Variants in SDK1 observed in about 807,000 individuals in gnomAD.
SDK1 encodes protein sidekick-1.
SDK1 carries 157 observed loss-of-function variants against 245.5 expected under a neutral mutation model. The observed-to-expected ratio is 0.64, with a 90% CI of 0.56 to 0.73. The LOEUF is 0.73. SDK1 is among the 30% of genes least tolerant of loss of function. SDK1 has a pLI of 0.00. For missense variants in SDK1, 3,583 were observed against 3,002.3 expected (o/e 1.19, Z -4.52); for synonymous variants, 1,647 against 1,278.5 (o/e 1.29, Z -6.15).
At chr7:3,650,961 T>C (rs899022314) in intron 4 of SDK1, among the ~76,000 whole-genome samples, 4 of 152,066 alleles carry the variant, frequency 2.6e-5, no homozygotes, top group Non-Finnish European at 4.4e-5. Flanking sequence ...CATTCACCTG[T>C]TGAAAGCAAT....
chr7:4,193,140 T>G (rs1390481031), intron 35 of SDK1, among the ~76,000 whole-genome samples: 1 of 131,122 alleles, frequency 7.6e-6, no homozygotes, highest in Non-Finnish European at 1.5e-5. Context: ...ATAAATATAT[T>G]AATATATTTA....
chr7:4,267,932 G>A lies in SDK1; in HGVS notation c.*2548G>A. 1 of 985,544 alleles carries A rather than the reference G, an allele frequency of 1.0e-6. No individual in the cohort carries two copies. The highest frequency in any genetic ancestry group is 4.7e-5 in the South Asian group (1 of 21,286). 61.0% of individuals were successfully genotyped at this position (985,544 alleles called of 1,614,324 possible). A position where few individuals can be genotyped will look rare whatever the true frequency, so the allele number is the denominator to read the frequency against. ...GAACAGAGCTGGATGTTTCCAGGTA[G>A]ATTTTGGCCTCCCAGAGCAATGCGG... On this transcript the variant is annotated 3_prime_UTR_variant, in exon 45 of 45. Coordinates refer to ENST00000404826, the MANE Select transcript of SDK1 (RefSeq NM_152744.4).
chr7:3,830,849 G>A (rs916181452), intron 5 of SDK1, among the ~76,000 whole-genome samples: 4 of 152,142 alleles, frequency 2.6e-5, no homozygotes, highest in African/African-American at 9.7e-5. Flanking sequence ...TTAGCCAGCA[G>A]CGAATGCCTG....
At position 4,265,602 on chromosome 7, in the gene SDK1, C is replaced by G. The variant is rs916987333; in HGVS notation, c.*218C>G. ...TTCGCTGCAGGAAGCAGGTTTGTTT[C>G]TTTTTCTTTTCTTTTTAAGAGAAGG... On this transcript the variant is annotated 3_prime_UTR_variant, in exon 45 of 45. Transcript: ENST00000404826. 7 of 1,338,302 alleles carry G rather than the reference C, an allele frequency of 5.2e-6. No individual in the cohort carries two copies. The South Asian group carries it at 1.3e-4, about 25-fold the overall frequency. The allele number at this position is 1,338,302 out of a possible 1,614,324, so 82.9% of individuals were successfully genotyped here.
intron 20 of SDK1, among the ~76,000 whole-genome samples, chr7:4,074,592 G>A (rs1780500248): frequency 5.3e-5 from 8 of 152,008 alleles, no homozygotes; most frequent in Admixed American, 5.2e-4. Flanking sequence ...TGGGCGTGGT[G>A]GCTGACGGCT....
At chr7:4,071,686 A>G (rs1780266115) in intron 20 of SDK1, among the ~76,000 whole-genome samples, 1 of 152,228 alleles carries the variant, frequency 6.6e-6, no homozygotes, top group Admixed American at 6.5e-5. Flanking sequence ...GCAGGAGGCT[A>G]CCATTCGGAA....
intron 36 of SDK1, 30 bp from the exon 37 acceptor site, chr7:4,208,069 C>G (rs1251324433): frequency 6.4e-7 from 1 of 1,570,712 alleles, no homozygotes; most frequent in South Asian, 1.2e-5. Flanking sequence ...TTCCCCAGGA[C>G]CCACCCCAAC....
At chr7:3,362,909 T>C (rs985501838) in intron 1 of SDK1, among the ~76,000 whole-genome samples, 5 of 152,198 alleles carry the variant, frequency 3.3e-5, no homozygotes, top group African/African-American at 9.7e-5. Context: ...CTTAAAAATA[T>C]CCACTTAATT....
intron 1 of SDK1, among the ~76,000 whole-genome samples, chr7:3,321,205 T>C (rs1779794076): frequency 6.6e-6 from 1 of 152,222 alleles, no homozygotes; most frequent in Non-Finnish European, 1.5e-5. Context: ...AAGATGATAC[T>C]ATAGAATTTC....
chr7:4,048,557 T>C (rs6943539), intron 17 of SDK1, among the ~76,000 whole-genome samples: 35,737 of 150,896 alleles, frequency 0.24, 5,895 homozygotes, highest in African/African-American at 0.48. Context: ...CCTTTTCCCA[T>C]GGCTCTCCCA....
At chr7:3,645,258 G>C (rs1224810831) in intron 4 of SDK1, among the ~76,000 whole-genome samples, 1 of 152,184 alleles carries the variant, frequency 6.6e-6, no homozygotes, top group African/African-American at 2.4e-5. Flanking sequence ...CAAATGGTCT[G>C]CTTACAAGCA....
intron 1 of SDK1, among the ~76,000 whole-genome samples, chr7:3,601,556 T>C (rs1781254825): frequency 6.6e-6 from 1 of 152,056 alleles, no homozygotes; most frequent in South Asian, 2.1e-4. Flanking sequence ...TCTGCAGTGA[T>C]ACCATTGTTG....
intron 1 of SDK1, among the ~76,000 whole-genome samples, chr7:3,473,779 T>A (rs1363677978): frequency 6.6e-6 from 1 of 152,176 alleles, no homozygotes; most frequent in Non-Finnish European, 1.5e-5. Flanking sequence ...ATATGTGTAA[T>A]AATGTTCAGG....
intron 1 of SDK1, among the ~76,000 whole-genome samples, chr7:3,326,562 C>A (rs931324448): frequency 2.0e-5 from 3 of 152,114 alleles, no homozygotes; most frequent in African/African-American, 7.2e-5. Flanking sequence ...TGTCTTGTTT[C>A]CCGCCACAGA....
chr7:3,982,747 G>T (rs1428638368), intron 13 of SDK1, among the ~76,000 whole-genome samples: 1 of 152,102 alleles, frequency 6.6e-6, no homozygotes, highest in East Asian at 1.9e-4. Flanking sequence ...GGCTGAGTCA[G>T]GAGAAGGGCA....
chr7:3,497,247 C>T (rs998515249), intron 1 of SDK1, among the ~76,000 whole-genome samples: 8 of 152,094 alleles, frequency 5.3e-5, no homozygotes. Context: ...ATTGGTTTGC[C>T]CCTAAGGTAG....
intron 17 of SDK1, among the ~76,000 whole-genome samples, chr7:4,037,897 A>T (rs1166145553): frequency 2.6e-5 from 4 of 152,192 alleles, no homozygotes; most frequent in African/African-American, 9.7e-5. Flanking sequence ...TCCAAAACTT[A>T]TAATTTTTTT....
At chr7:3,624,162 T>C (rs550219883) in intron 2 of SDK1, among the ~76,000 whole-genome samples, 1 of 152,340 alleles carries the variant, frequency 6.6e-6, no homozygotes, top group South Asian at 2.1e-4. Context: ...AATTTTAGCC[T>C]AACATCAGTA....
Position 3,967,347 on chromosome 7 carries a change from G to A in SDK1, c.1459G>A (p.Val487Met). The A allele has an allele frequency of 6.2e-7, 1 of 1,614,164 alleles. No individual in the cohort carries two copies. The highest frequency in any genetic ancestry group is 8.5e-7 in the Non-Finnish European group (1 of 1,180,014). The change falls in exon 10 of 45, where the codon GTG (valine) becomes ATG (methionine). Residue 487 changes from valine (V) to methionine (M), a missense_variant. Val to Met is a conservative substitution (Grantham distance 21, BLOSUM62 1). Transcript: ENST00000404826. ...CGCTCCAGTGTTCACCCAGCGGCCA[G>A]TGGACACCACAGTTACTGACGGGAT... ...NIAPVFTQRP[V>M]DTTVTDGMTA...
Sources: gnomAD v4.1 joint callset for allele counts (sites outside exome capture counted in the v4.1 genomes callset) on GRCh38, gnomAD v4.1.1 for gene constraint, MANE v1.5 for transcripts, NCBI Gene and HGNC (gene_info 2026-07-23, HGNC 2026-07-21) for gene names.